USP13: variants seen among roughly 807,000 people sequenced by gnomAD.
USP13 encodes the protein ubiquitin specific peptidase 13, also known as ubiquitin carboxyl-terminal hydrolase 13.
USP13 carries 68 observed loss-of-function variants against 107.8 expected under a neutral mutation model. The observed-to-expected ratio is 0.63, with a 90% CI of 0.52 to 0.77. The LOEUF (loss-of-function observed/expected upper bound fraction) is 0.77. Ranked by LOEUF, USP13 falls within the 30% of genes least tolerant of loss-of-function variation. The probability of loss-of-function intolerance (pLI) is 0.00; values close to 1 mark genes in which losing one functional copy is unlikely to be tolerated. For missense variants in USP13, 945 were observed against 1,093.3 expected (o/e 0.86, Z 1.91); for synonymous variants, 377 against 389.5 (o/e 0.97, Z 0.38).
At chr3:179,658,156 A>G (rs9835722) in intron 1 of USP13, among the ~76,000 whole-genome samples, 6,863 of 152,186 alleles carry the variant, frequency 0.045, 511 homozygotes, top group African/African-American at 0.16. Flanking sequence ...GGGTTTCACT[A>G]TGTTGGCCAG....
At chr3:179,690,105 C>G (rs916998141) in intron 2 of USP13, 136 bp from the exon 3 acceptor site, 24 of 751,178 alleles carry the variant, frequency 3.2e-5, no homozygotes, top group Non-Finnish European at 4.9e-5. Context: ...CCCTGTTTAT[C>G]CTGGAATTGC....
At position 179,708,922 on chromosome 3, in the gene USP13, C is replaced by T; in HGVS notation, c.770C>T (p.Ala257Val). ...TACAGAGACATGGGCTACCCACTAG[C>T]CGTGAAACTGGGAACCATCACTCCT... Reference protein sequence around the residue: ...EHYRDMGYPLAVKLGTITPDG... With the variant: ...EHYRDMGYPLVVKLGTITPDG... Residue 257 changes from alanine to valine, a missense_variant, in exon 6 of 21, where the codon GCC becomes GTC. Ala to Val is a moderately conservative substitution (Grantham distance 64). Coordinates refer to ENST00000263966, the MANE Select transcript of USP13 (RefSeq NM_003940.3). 1 of 1,614,122 alleles carries T rather than the reference C, an allele frequency of 6.2e-7. No homozygotes were observed. The highest frequency in any genetic ancestry group is 8.5e-7 in the Non-Finnish European group (1 of 1,180,018).
At chr3:179,700,191 A>T (rs1011115628) in intron 3 of USP13, among the ~76,000 whole-genome samples, 46 of 152,092 alleles carry the variant, frequency 3.0e-4, no homozygotes, top group Admixed American at 1.3e-4. Context: ...GGACGACCTG[A>T]TAGGTAACAG....
intron 17 of USP13, 90 bp downstream of exon 17, chr3:179,761,345 ATCCC>A (rs1306411310): frequency 4.0e-6 from 6 of 1,493,022 alleles, no homozygotes; most frequent in Non-Finnish European, 5.4e-6. Context: ...CTGTGGATGT[ATCCC>A]TAGAAAATGA....
rs190864599 is a variant in USP13, at chr3:179,741,113, C to G, written c.1380+741C>G. 1.7e-3 allele frequency among the ~76,000 whole-genome samples: 254 copies of G among 151,060 alleles called. 2 individuals carry two copies. The highest frequency in any genetic ancestry group is 5.9e-3 in the African/African-American group (241 of 41,140). ...TTTTTTTCCTGGTTACAACAGTGTT[C>G]TTTGTGGAAAATATAGAAAACACAA... On this transcript the variant is annotated intron_variant, in intron 11 of 20. Transcript: ENST00000263966.
chr3:179,689,437 T>G (rs1712022695), intron 2 of USP13, among the ~76,000 whole-genome samples: 1 of 151,890 alleles, frequency 6.6e-6, no homozygotes, highest in Admixed American at 6.6e-5. Context: ...GGTGGGCAGA[T>G]CACGAGGTCA....
chr3:179,778,383 G>A (rs1273621315), intron 19 of USP13, among the ~76,000 whole-genome samples: 4 of 152,140 alleles, frequency 2.6e-5, no homozygotes, highest in Admixed American at 6.5e-5. Context: ...TGAATACTCA[G>A]TAAACAAAAC....
At chr3:179,686,105 C>G (rs1711863457) in intron 2 of USP13, among the ~76,000 whole-genome samples, 1 of 152,158 alleles carries the variant, frequency 6.6e-6, no homozygotes, top group African/African-American at 2.4e-5. Flanking sequence ...CTCTCCCTGC[C>G]CAGCAAACCT....
At chr3:179,749,231 A>T (rs1411615400) in intron 13 of USP13, among the ~76,000 whole-genome samples, 1 of 152,178 alleles carries the variant, frequency 6.6e-6, no homozygotes, top group South Asian at 2.1e-4. Context: ...AACAATCAAT[A>T]TATTTTAAAT....
At chr3:179,769,967 C>T (rs73174418) in intron 19 of USP13, among the ~76,000 whole-genome samples, 2,945 of 152,316 alleles carry the variant, frequency 0.019, 40 homozygotes, top group Admixed American at 0.029. Flanking sequence ...ATTACCATCA[C>T]GTGACTCTCC....
intron 6 of USP13, among the ~76,000 whole-genome samples, chr3:179,714,300 T>C (rs982399279): frequency 6.6e-6 from 1 of 152,328 alleles, no homozygotes; most frequent in East Asian, 1.9e-4. Flanking sequence ...CTTTCTTCTT[T>C]GGTCATCTTT....
At chr3:179,705,797 A>G (rs1289255040) in intron 4 of USP13, among the ~76,000 whole-genome samples, 1 of 152,050 alleles carries the variant, frequency 6.6e-6, no homozygotes, top group Non-Finnish European at 1.5e-5. Context: ...TTCTCAGCTC[A>G]CTACAGCCTC....
intron 10 of USP13, among the ~76,000 whole-genome samples, chr3:179,734,535 G>A (rs1255755842): frequency 1.3e-5 from 2 of 152,182 alleles, no homozygotes; most frequent in Non-Finnish European, 2.9e-5. Context: ...TCATCAACGT[G>A]AGATAACCAG....
At chr3:179,757,605 T>C (rs1714850219) in intron 16 of USP13, among the ~76,000 whole-genome samples, 3 of 152,202 alleles carry the variant, frequency 2.0e-5, no homozygotes, top group Non-Finnish European at 2.9e-5. Context: ...CTTGGTTTTC[T>C]ACAAAGAACA....
At chr3:179,699,593 A>C (rs921116194) in intron 3 of USP13, among the ~76,000 whole-genome samples, 1 of 151,204 alleles carries the variant, frequency 6.6e-6, no homozygotes, top group Non-Finnish European at 1.5e-5. Context: ...CTAGCTTCTC[A>C]GGAGGGTGAG....
rs184874109 is a variant in USP13 at position 179,742,974 on chromosome 3, C to T, written c.1534+624C>T. On this transcript the variant is annotated intron_variant, in intron 12 of 20. Transcript: ENST00000263966. The surrounding 1 kb of genome is among the most constrained non-coding windows in gnomAD (Gnocchi z 5.0). Reference sequence around the variant, plus strand: ...GCAGAATAGACAAATGGCATTTCTTCGAATTAACATCGTAGAAGCAAAAAA... The same window carrying T: ...GCAGAATAGACAAATGGCATTTCTTTGAATTAACATCGTAGAAGCAAAAAA... 8.5e-5 allele frequency among the ~76,000 whole-genome samples: 13 copies of T among 152,210 alleles called. No individual in the cohort carries two copies. Among genetic ancestry groups the T allele is most frequent in the Admixed American group, 5.2e-4 (8 of 15,300 alleles).
chr3:179,712,535 A>C lies in USP13; in HGVS notation c.805+3578A>C, dbSNP rs556474967. ...TACAAAAATGTGATCATACTGTATA[A>C]AGTTTTATTCCTTATTTTTCTCTAT... On this transcript the variant is annotated intron_variant, in intron 6 of 20. Transcript: ENST00000263966. 5.3e-5 allele frequency among the ~76,000 whole-genome samples: 8 copies of C among 152,124 alleles called. No homozygotes were observed. The East Asian group carries it at 1.5e-3, about 29-fold the overall frequency.
rs1715981034 is a variant in USP13 at position 179,788,778 on chromosome 3, G to A, written c.*4637G>A. ...ACTTACATGGTGTGGGGTAGGCAGT[G>A]AAATCCGTAAATAGGAAACGCAATT... On this transcript the variant is annotated 3_prime_UTR_variant, in exon 21 of 21. Transcript: ENST00000263966. 1 of 152,132 alleles carries A rather than the reference G, an allele frequency of 6.6e-6. No individual in the cohort carries two copies. Among genetic ancestry groups the A allele is most frequent in the South Asian group, 2.1e-4 (1 of 4,824 alleles). The allele number at this position is 152,132 out of a possible 1,614,324, so 9.4% of individuals were successfully genotyped here. A position where few individuals can be genotyped will look rare whatever the true frequency, so the allele number is the denominator to read the frequency against.
chr3:179,718,435 A>G (rs913711983), intron 6 of USP13, among the ~76,000 whole-genome samples: 2 of 151,942 alleles, frequency 1.3e-5, no homozygotes, highest in Non-Finnish European at 2.9e-5. Context: ...GGGATTACAG[A>G]TGTGAGCCAT....
Sources: gnomAD v4.1 joint callset for allele counts (sites outside exome capture counted in the v4.1 genomes callset) on GRCh38, gnomAD v4.1.1 for gene constraint, Gnocchi (gnomAD v3.1) non-coding constraint, MANE v1.5 for transcripts, NCBI Gene and HGNC (gene_info 2026-07-23, HGNC 2026-07-21) for gene names.